The following CEBPZOS variants were observed in gnomAD, a reference collection of about 807,000 sequenced individuals.
The protein encoded by CEBPZOS is CEBPZ opposite strand, also known as protein CEBPZOS.
Under a neutral mutation model 4.8 loss-of-function variants are expected in CEBPZOS, and 10 were observed. The ratio of observed to expected loss-of-function variants is 2.07; its 90% CI spans 1.28 to 3.52. The LOEUF (loss-of-function observed/expected upper bound fraction) is 3.52, where lower values mean the gene tolerates loss of function less well. Ranked by LOEUF, CEBPZOS falls within the 30% of genes most tolerant of loss-of-function variation. CEBPZOS has a pLI of 0.00. For missense variants in CEBPZOS, 98 were observed against 43.6 expected (o/e 2.25, Z -3.51); for synonymous variants, 25 against 14.2 (o/e 1.77, Z -1.72).
downstream of CEBPZOS, among the ~76,000 whole-genome samples, chr2:37,214,305 C>T (rs914996583): frequency 2.6e-5 from 4 of 152,054 alleles, no homozygotes. Flanking sequence ...ACCTAATTAA[C>T]CAGTCAACCA....
chr2:37,212,133 C>T, intron 4 of CEBPZOS: 1 of 1,164,422 alleles, frequency 8.6e-7, no homozygotes, highest in Non-Finnish European at 1.2e-6. Context: ...TTAAATGACT[C>T]AGAAGGAGAA....
At position 37,211,949 on chromosome 2, in the gene CEBPZOS, G is replaced by A. The variant is rs375786270; in HGVS notation, c.*3-1488G>A. On this transcript the variant is annotated intron_variant, in intron 4 of 4. Transcript: ENST00000397064. The stretch of plus-strand genomic sequence containing the variant: ...CCATACTTCCTAAAGAAACTTCATC[G>A]TCATCCAGGTTACCAAGTTCATCAT... 64 of 1,613,402 alleles carry A rather than the reference G, an allele frequency of 4.0e-5. No homozygotes were observed. In the East Asian group the frequency reaches 5.1e-4, roughly 13 times the overall value.
chr2:37,215,261 G>T (rs1049141770), downstream of CEBPZOS: 1 of 208,162 alleles, frequency 4.8e-6, no homozygotes, highest in African/African-American at 2.3e-5. Flanking sequence ...ACTTTCAAGA[G>T]AAATAAAAAA....
intron 3 of CEBPZOS, 191 bp downstream of exon 3, chr2:37,201,283 G>C (rs1355708176): frequency 1.8e-6 from 1 of 556,570 alleles, no homozygotes. Context: ...AATTCTTCTA[G>C]TGGTTAAGAA....
Position 37,202,898 on chromosome 2 carries a change from AC to A in CEBPZOS, c.*1039del. On this transcript the variant is annotated 3_prime_UTR_variant, in exon 5 of 5. Transcript: ENST00000402297. Reference sequence around the variant, plus strand: ...ACAAAAACGATAAATTTATTAGAAAACTAAAAATAATGTAGAATAGCTAGCT... The same window carrying A: ...ACAAAAACGATAAATTTATTAGAAAATAAAAATAATGTAGAATAGCTAGCT... 6.3e-7 allele frequency: 1 copy of A among 1,594,648 alleles called. No homozygotes were observed. The highest frequency in any genetic ancestry group is 2.3e-5 in the East Asian group (1 of 44,294).
chr2:37,211,454 A>G (rs1677717727), intron 4 of CEBPZOS: 1 of 235,120 alleles, frequency 4.3e-6, no homozygotes, highest in Non-Finnish European at 8.1e-6. Context: ...GTCTAGAGAC[A>G]ATTCTGGGTG....
chr2:37,207,756 G>C (rs1438247422), downstream of CEBPZOS, among the ~76,000 whole-genome samples: 1 of 151,980 alleles, frequency 6.6e-6, no homozygotes, highest in Non-Finnish European at 1.5e-5. Flanking sequence ...AGAGAAACAA[G>C]AACAAATCAA....
downstream of CEBPZOS, among the ~76,000 whole-genome samples, chr2:37,208,297 T>C (rs562481740): frequency 6.6e-6 from 1 of 152,238 alleles, no homozygotes; most frequent in South Asian, 2.1e-4. Flanking sequence ...AATCATTCAA[T>C]GAAGCCAATA....
At chr2:37,213,927 T>G (rs756193790), downstream of CEBPZOS, 8 of 1,590,662 alleles carry the variant, frequency 5.0e-6, no homozygotes, top group Non-Finnish European at 6.0e-6. Context: ...GCATCCCGTT[T>G]TTGTTTCTCT....
At chr2:37,201,756 T>G (rs754363779) in intron 4 of CEBPZOS, 30 bp downstream of exon 4, 1 of 1,344,564 alleles carries the variant, frequency 7.4e-7, no homozygotes, top group African/African-American at 1.5e-5. Flanking sequence ...ATAATTTACA[T>G]TAATAACTCA....
At chr2:37,214,691 C>T (rs181487918), downstream of CEBPZOS, among the ~76,000 whole-genome samples, 6 of 152,188 alleles carry the variant, frequency 3.9e-5, no homozygotes, top group Non-Finnish European at 5.9e-5. Context: ...TTGATCTTTT[C>T]AAAATATGCT....
At position 37,201,684 on chromosome 2, in the gene CEBPZOS, G is replaced by C; in HGVS notation, c.203G>C (p.Arg68Thr). The change falls in exon 4 of 5, where the codon AGA becomes ACA. Residue 68 changes from arginine (R) to threonine (T), a missense_variant. Physicochemically the swap from Arg to Thr is moderately conservative, Grantham distance 71. Transcript: ENST00000402297. ...STEKSGMYGI[R>T]ELDQKTWLNS... is the part of the protein sequence containing the mutation. ...GAGAAGTCTGGAATGTATGGAATCA[G>C]AGAGCTAGATCAAAAAACATGGTTG... 2 of 859,992 alleles carry C rather than the reference G, an allele frequency of 2.3e-6. No homozygotes were observed. The highest frequency in any genetic ancestry group is 2.6e-5 in the East Asian group (1 of 37,796). The allele number at this position is 859,992 out of a possible 1,614,324, so 53.3% of individuals were successfully genotyped here. A position where few individuals can be genotyped will look rare whatever the true frequency, so the allele number is the denominator to read the frequency against.
rs1558462457 is a variant in CEBPZOS, at chr2:37,201,866, G to T, written c.*6G>T. Reference sequence around the variant, plus strand: ...TTTTTGCATCTCTGTTGTGTAGCCAGTCATCACGTTCAGCCTCCCATCTAA... The same window carrying T: ...TTTTTGCATCTCTGTTGTGTAGCCATTCATCACGTTCAGCCTCCCATCTAA... On this transcript the variant is annotated 3_prime_UTR_variant, in exon 5 of 5. Coordinates refer to ENST00000402297, the MANE Select transcript of CEBPZOS (RefSeq NM_001322374.2). 1.2e-6 allele frequency: 2 copies of T among 1,613,676 alleles called. No individual in the cohort carries two copies. The highest frequency in any genetic ancestry group is 1.7e-6 in the Non-Finnish European group (2 of 1,179,788).
downstream of CEBPZOS, chr2:37,209,058 A>AG (rs1413196420): frequency 3.8e-5 from 5 of 131,478 alleles, no homozygotes; most frequent in East Asian, 1.2e-3. Context: ...AAAAAAAAAA[A>AG]AAATAATAAT....
chr2:37,197,602 C>T (rs953750509), intron 1 of CEBPZOS, among the ~76,000 whole-genome samples: 2 of 152,110 alleles, frequency 1.3e-5, no homozygotes, highest in South Asian at 2.1e-4. Flanking sequence ...CCGGGCGTGG[C>T]GGCACACGCC....
At chr2:37,214,217 A>G (rs1404794706), downstream of CEBPZOS, among the ~76,000 whole-genome samples, 1 of 152,230 alleles carries the variant, frequency 6.6e-6, no homozygotes, top group Non-Finnish European at 1.5e-5. Flanking sequence ...GAATACAGCA[A>G]AACTTAGCCA....
rs146366004 is a variant in CEBPZOS at position 37,210,638 on chromosome 2, T to C, written c.*3-2799T>C. The C allele has an allele frequency of 7.7e-3, 1,268 of 164,126 alleles. 14 individuals carry two copies. Among genetic ancestry groups the C allele is most frequent in the Non-Finnish European group, 0.011 (868 of 76,210 alleles). 10.2% of individuals were successfully genotyped at this position (164,126 alleles called of 1,614,324 possible). A position where few individuals can be genotyped will look rare whatever the true frequency, so the allele number is the denominator to read the frequency against. On this transcript the variant is annotated intron_variant, in intron 4 of 4. Transcript: ENST00000397064. ...ACTTGGGGGGAAGAGTGGGAGGCAG[T>C]GGGGGATAAGAGTACACATTGGGTG...
At position 37,202,974 on chromosome 2, in the gene CEBPZOS, G is replaced by A. The variant is rs1677349867; in HGVS notation, c.*1114G>A. The stretch of plus-strand genomic sequence containing the variant: ...CCTCTTCAGCAGATACAAATAGGCT[G>A]GAATCATTTAAGTTTCTTTTCTTTT... On this transcript the variant is annotated 3_prime_UTR_variant, in exon 5 of 5. Coordinates refer to ENST00000402297, the MANE Select transcript of CEBPZOS (RefSeq NM_001322374.2). 1.3e-6 allele frequency: 2 copies of A among 1,558,624 alleles called. No individual in the cohort carries two copies. Among genetic ancestry groups the A allele is most frequent in the Non-Finnish European group, 1.7e-6 (2 of 1,155,462 alleles).
At chr2:37,201,355 G>C (rs921706707) in intron 3 of CEBPZOS, 1 of 494,762 alleles carries the variant, frequency 2.0e-6, no homozygotes, top group Non-Finnish European at 3.6e-6. Context: ...TAAACCTTTG[G>C]TTTTAAAAGA....
Sources: gnomAD v4.1 joint callset for allele counts (sites outside exome capture counted in the v4.1 genomes callset) on GRCh38, gnomAD v4.1.1 for gene constraint, MANE v1.5 for transcripts, NCBI Gene and HGNC (gene_info 2026-07-23, HGNC 2026-07-21) for gene names.